The following BBX variants were observed in gnomAD, a reference collection of about 807,000 sequenced individuals.
The protein encoded by BBX is BBX high mobility group box domain containing.
BBX carries 30 observed loss-of-function variants against 100.2 expected under a neutral mutation model. The observed-to-expected ratio is 0.30, with a 90% CI of 0.22 to 0.41. The LOEUF is 0.41. Among genes scored for constraint, BBX ranks in the 10% least tolerant of loss-of-function variants. The pLI, the probability that BBX is intolerant of heterozygous loss-of-function variation, is 1.00. For synonymous variants in BBX, 376 were observed against 388.1 expected, an observed-to-expected ratio of 0.97 and a Z score of 0.37; for missense variants, 1,023 against 1,129.8, an observed-to-expected ratio of 0.91 and a Z score of 1.35.
At chr3:107,629,324 T>C (rs1258429802) in intron 2 of BBX, among the ~76,000 whole-genome samples, 1 of 152,200 alleles carries the variant, frequency 6.6e-6, no homozygotes, top group Non-Finnish European at 1.5e-5. Context: ...TCCATGAATA[T>C]ATAAATCCCA....
At chr3:107,584,149 A>T (rs1170229693) in intron 2 of BBX, among the ~76,000 whole-genome samples, 12 of 20,286 alleles carry the variant, frequency 5.9e-4, no homozygotes, top group East Asian at 2.3e-3. Context: ...TATTATATAT[A>T]ATATATGATA....
intron 2 of BBX, among the ~76,000 whole-genome samples, chr3:107,533,734 GTTTC>G (rs2048314771): frequency 6.6e-6 from 1 of 151,968 alleles, no homozygotes; most frequent in Non-Finnish European, 1.5e-5. Flanking sequence ...TGTTTCTTAT[GTTTC>G]TTATGTAATT....
intron 12 of BBX, among the ~76,000 whole-genome samples, chr3:107,775,770 T>C (rs113726426): frequency 0.018 from 2,727 of 152,262 alleles, 77 homozygotes; most frequent in African/African-American, 0.062. Context: ...GCTTTAAGTC[T>C]GGCTAATTCT....
intron 7 of BBX, among the ~76,000 whole-genome samples, chr3:107,744,225 G>A (rs1430209988): frequency 6.6e-6 from 1 of 152,062 alleles, no homozygotes; most frequent in Non-Finnish European, 1.5e-5. Flanking sequence ...GGGAGAGGAT[G>A]TACAATAAAT....
chr3:107,548,518 A>T (rs754790132), intron 2 of BBX, among the ~76,000 whole-genome samples: 10 of 152,174 alleles, frequency 6.6e-5, no homozygotes, highest in Non-Finnish European at 1.3e-4. Context: ...AATGGTTAGT[A>T]GTATACATTT....
chr3:107,543,182 A>T (rs977353967), intron 2 of BBX, among the ~76,000 whole-genome samples: 10 of 152,240 alleles, frequency 6.6e-5, no homozygotes, highest in Non-Finnish European at 1.5e-4. Flanking sequence ...TTTAAAAGGG[A>T]TTCTACAGAT....
chr3:107,803,174 A>G (rs73212048), intron 17 of BBX, among the ~76,000 whole-genome samples: 248 of 152,396 alleles, frequency 1.6e-3, no homozygotes, highest in Middle Eastern at 6.8e-3. Flanking sequence ...GATAACAGGT[A>G]TAGAAAAAAT....
Position 107,805,503 on chromosome 3 carries a change from C to T in BBX, c.*46C>T. ...CATTGTGCTTTACCTACTACCCTAG[C>T]CTTGTCTTTACCGAGGGATGCTAGT... On this transcript the variant is annotated 3_prime_UTR_variant, in exon 18 of 18. Transcript: ENST00000325805. The T allele has an allele frequency of 6.2e-7, 1 of 1,613,888 alleles. No individual in the cohort carries two copies. Among genetic ancestry groups the T allele is most frequent in the Non-Finnish European group, 8.5e-7 (1 of 1,179,842 alleles).
chr3:107,528,779 A>G (rs539435567), intron 2 of BBX, among the ~76,000 whole-genome samples: 2 of 152,354 alleles, frequency 1.3e-5, no homozygotes, highest in East Asian at 3.9e-4. Flanking sequence ...GATGTTGTGC[A>G]ACTCATGAAA....
At chr3:107,605,017 G>C (rs890651474) in intron 2 of BBX, among the ~76,000 whole-genome samples, 5 of 152,138 alleles carry the variant, frequency 3.3e-5, no homozygotes, top group African/African-American at 9.7e-5. Context: ...TTACTTGACT[G>C]CGTAGCTTAT....
At chr3:107,584,554 C>A (rs1342697152) in intron 2 of BBX, among the ~76,000 whole-genome samples, 1 of 149,402 alleles carries the variant, frequency 6.7e-6, no homozygotes, top group Non-Finnish European at 1.5e-5. Context: ...TTCAGATTGT[C>A]ATAAATGCTT....
intron 15 of BBX, among the ~76,000 whole-genome samples, chr3:107,794,636 G>C (rs989184349): frequency 1.1e-4 from 16 of 152,268 alleles, no homozygotes; most frequent in Admixed American, 3.9e-4. Context: ...AGTCTCCCAG[G>C]ATGTTGGATA....
intron 3 of BBX, among the ~76,000 whole-genome samples, chr3:107,651,241 A>G (rs1408070042): frequency 6.6e-6 from 1 of 152,228 alleles, no homozygotes; most frequent in Non-Finnish European, 1.5e-5. Flanking sequence ...GATTTAGTCT[A>G]TAAACAAGAT....
chr3:107,563,683 A>G (rs958910021), intron 2 of BBX, among the ~76,000 whole-genome samples: 2 of 152,362 alleles, frequency 1.3e-5, no homozygotes, highest in Admixed American at 1.3e-4. Context: ...AAAGTAAAAT[A>G]GGAAACATTT....
At chr3:107,704,500 G>A (rs1035255379) in intron 3 of BBX, among the ~76,000 whole-genome samples, 1 of 152,224 alleles carries the variant, frequency 6.6e-6, no homozygotes, top group East Asian at 1.9e-4. Flanking sequence ...TTGGCTCACA[G>A]TTCTGGAGGC....
chr3:107,795,962 A>G (rs1397847124), intron 15 of BBX, among the ~76,000 whole-genome samples: 1 of 152,210 alleles, frequency 6.6e-6, no homozygotes, highest in Non-Finnish European at 1.5e-5. Context: ...TCACAGGAGT[A>G]CTGTTTCCCA....
intron 5 of BBX, among the ~76,000 whole-genome samples, chr3:107,723,852 G>A (rs912164827): frequency 3.3e-5 from 5 of 151,838 alleles, no homozygotes; most frequent in African/African-American, 7.3e-5. Flanking sequence ...GCTATTGTGA[G>A]TATTGCCGCA....
At position 107,806,474 on chromosome 3, in the gene BBX, G is replaced by A. The variant is rs757474628; in HGVS notation, c.*1017G>A. 1.3e-5 allele frequency: 2 copies of A among 152,188 alleles called. No individual in the cohort carries two copies. The highest frequency in any genetic ancestry group is 4.8e-5 in the African/African-American group (2 of 41,434). The allele number at this position is 152,188 out of a possible 1,614,324, so 9.4% of individuals were successfully genotyped here. A position where few individuals can be genotyped will look rare whatever the true frequency, so the allele number is the denominator to read the frequency against. On this transcript the variant is annotated 3_prime_UTR_variant, in exon 18 of 18. Coordinates refer to ENST00000325805, the MANE Select transcript of BBX (RefSeq NM_001142568.3). ...TACATCCATCACAGATTGGCTGGAC[G>A]GGTTGCAATTGCTATGCACAGCCTG...
Position 107,572,552 on chromosome 3 carries a change from G to C in BBX, c.-84+46154G>C, listed in dbSNP as rs183437922. Among the ~76,000 whole-genome samples the C allele has an allele frequency of 2.2e-3, 340 of 152,112 alleles. 3 individuals are homozygous for C. Among genetic ancestry groups the C allele is most frequent in the African/African-American group, 7.1e-3 (295 of 41,512 alleles). On this transcript the variant is annotated intron_variant, in intron 2 of 17. Coordinates refer to ENST00000325805, the MANE Select transcript of BBX (RefSeq NM_001142568.3). ...TTCCTTTCTTCGTAACATTCTGATC[G>C]TTAGTATGTTTACAGATTCTTTTAG...
Sources: gnomAD v4.1 joint callset for allele counts (sites outside exome capture counted in the v4.1 genomes callset) on GRCh38, gnomAD v4.1.1 for gene constraint, MANE v1.5 for transcripts, NCBI Gene and HGNC (gene_info 2026-07-23, HGNC 2026-07-21) for gene names.